RINL: variants seen among roughly 807,000 people sequenced by gnomAD.
RINL encodes the protein ras and Rab interactor-like protein.
In RINL, 39 loss-of-function variants were observed where a neutral mutation model predicts 58.1. The ratio of observed to expected loss-of-function variants is 0.67; its 90% confidence interval spans 0.52 to 0.88. The LOEUF is 0.88. Among genes scored for constraint, RINL ranks in the 40% least tolerant of loss-of-function variants. RINL has a pLI of 0.00. For synonymous variants in RINL, 286 were observed against 323.1 expected, an observed-to-expected ratio of 0.89 and a Z score of 1.23; for missense variants, 711 against 749.2, an observed-to-expected ratio of 0.95 and a Z score of 0.60.
Position 38,871,208 on chromosome 19 carries a change from C to T in RINL, c.471G>A (p.Arg157=). 1.2e-6 allele frequency: 2 copies of T among 1,613,966 alleles called. No individual in the cohort carries two copies. The highest frequency in any genetic ancestry group is 1.7e-6 in the Non-Finnish European group (2 of 1,179,988). Reference sequence around the variant, plus strand: ...CCTTCCCTGGGGTGTCCTGTTGGACCCTGCCGATCTGCACAGGATCTGGAG... The same window carrying T: ...CCTTCCCTGGGGTGTCCTGTTGGACTCTGCCGATCTGCACAGGATCTGGAG... The part of the protein sequence containing the change: ...DEHTDPVQIG[R]VQQDTPGKVL... The change falls in exon 7 of 12, where the codon AGG becomes AGA. Residue 157 remains arginine, a synonymous_variant. Coordinates refer to ENST00000591812, the MANE Select transcript of RINL (RefSeq NM_001195833.2).
chr19:38,874,153 C>T (rs186179753), intron 3 of RINL, among the ~76,000 whole-genome samples, 165 bp from the exon 4 acceptor site: 103 of 152,338 alleles, frequency 6.8e-4, no homozygotes, highest in African/African-American at 2.3e-3. Context: ...TGACTTCCCC[C>T]AAGCCCTGGC....
At position 38,876,431 on chromosome 19, in the gene RINL, A is replaced by G. The variant is rs1268091070; in HGVS notation, c.110T>C (p.Leu37Pro). ...DRTPLGVLST[L>P]EPLTRLQRTW... The stretch of plus-strand genomic sequence containing the variant: ...CCTCTGCAGGCGAGTAAGTGGCTCT[A>G]GGGTGCTGAGGACCCCTAGAGGGGT... Residue 37 changes from leucine to proline, a missense_variant, in exon 3 of 12, where the codon CTA (leucine) becomes CCA (proline). Coordinates refer to ENST00000591812, the MANE Select transcript of RINL (RefSeq NM_001195833.2). The G allele has an allele frequency of 1.3e-6, 2 of 1,535,982 alleles. No homozygotes were observed. The highest frequency in any genetic ancestry group is 2.4e-5 in the South Asian group (2 of 84,060).
intron 3 of RINL, among the ~76,000 whole-genome samples, chr19:38,874,538 T>G (rs1972879369): frequency 6.6e-6 from 1 of 152,212 alleles, no homozygotes; most frequent in African/African-American, 2.4e-5. Context: ...CCTCTCATAG[T>G]GCTGGGATAA....
Position 38,870,205 on chromosome 19 carries a change from G to C in RINL, c.1080C>G (p.Ala360=). 2 of 1,390,704 alleles carry C rather than the reference G, an allele frequency of 1.4e-6. No homozygotes were observed. Among genetic ancestry groups the C allele is most frequent in the Non-Finnish European group, 1.9e-6 (2 of 1,080,952 alleles). 86.1% of individuals were successfully genotyped at this position (1,390,704 alleles called of 1,614,324 possible). A position where few individuals can be genotyped will look rare whatever the true frequency, so the allele number is the denominator to read the frequency against. Residue 360 remains alanine (A), a synonymous_variant, in exon 9 of 12, where the codon GCC becomes GCG. Coordinates refer to ENST00000591812, the MANE Select transcript of RINL (RefSeq NM_001195833.2). The surrounding 1 kb of genome is among the most constrained non-coding windows in gnomAD (Gnocchi z 5.8). The part of the protein sequence containing the change: ...CQAVLAPLKP[A]LWTRLRTLRA... ...GGAGTGTGCGGAGTCGTGTCCACAG[G>C]GCCGGCTTCAGGGGCGCCAGCACCG...
chr19:38,872,446 A>G (rs1972834876), intron 4 of RINL, among the ~76,000 whole-genome samples: 1 of 152,288 alleles, frequency 6.6e-6, no homozygotes, highest in South Asian at 2.1e-4. Flanking sequence ...AGATTAAGCC[A>G]TTGCACTCCA....
At chr19:38,876,047 T>G (rs1381209728) in intron 3 of RINL, among the ~76,000 whole-genome samples, 2 of 148,790 alleles carry the variant, frequency 1.3e-5, no homozygotes, top group Non-Finnish European at 3.0e-5. Context: ...ATCCAGAGCT[T>G]CTTGAAATTA....
intron 2 of RINL, 99 bp from the exon 3 acceptor site, chr19:38,876,589 G>T: frequency 6.9e-7 from 1 of 1,447,582 alleles, no homozygotes. Flanking sequence ...CAGGGCAGAG[G>T]CTCAGAGATG....
At chr19:38,876,121 A>G (rs969748712) in intron 3 of RINL, among the ~76,000 whole-genome samples, 1 of 148,772 alleles carries the variant, frequency 6.7e-6, no homozygotes, top group African/African-American at 2.5e-5. Context: ...GTGAAGTGGC[A>G]TGATCTCAGC....
At position 38,869,824 on chromosome 19, in the gene RINL, G is replaced by T. The variant is rs1459844858; in HGVS notation, c.1342+119C>A. On this transcript the variant is annotated intron_variant, in intron 9 of 11. Transcript: ENST00000591812. The surrounding 1 kb of genome is among the most constrained non-coding windows in gnomAD (Gnocchi z 5.7). ...CCCCTCCACCTTGTCGGGCATGACA[G>T]CGCCTCCTACCAGAATCTTCAGGAC... is the stretch of plus-strand genomic sequence containing the variant. 2 of 1,538,370 alleles carry T rather than the reference G, an allele frequency of 1.3e-6. No individual in the cohort carries two copies. Among genetic ancestry groups the T allele is most frequent in the Non-Finnish European group, 1.8e-6 (2 of 1,137,358 alleles).
At position 38,870,669 on chromosome 19, in the gene RINL, G is replaced by A. The variant is rs770300441; in HGVS notation, c.925C>T (p.Leu309Phe). 2.5e-6 allele frequency: 4 copies of A among 1,613,684 alleles called. No homozygotes were observed. In the East Asian group the frequency reaches 8.9e-5, roughly 36 times the overall value. Residue 309 changes from leucine to phenylalanine, a missense_variant, in exon 8 of 12, where the codon CTC becomes TTC. Transcript: ENST00000591812. The surrounding 1 kb of genome is among the most constrained non-coding windows in gnomAD (Gnocchi z 5.8). ...AGGTGATCCTGGAGGTCAGTAAGGAGGTGCCGCACATCCTGAAGCAGCTCC... is the reference window on the plus strand; with the variant it reads ...AGGTGATCCTGGAGGTCAGTAAGGAAGTGCCGCACATCCTGAAGCAGCTCC... ...ATELLQDVRH[L>F]LTDLQDHLAK...
At chr19:38,876,829 A>T in intron 1 of RINL, 48 bp from the exon 2 acceptor site, 1 of 1,060,092 alleles carries the variant, frequency 9.4e-7, no homozygotes. Context: ...CCCTCGGGTC[A>T]TGTTCAAGAT....
In RINL at chr19:38,868,960, A is replaced by G; in HGVS notation, c.*144T>C. 1.4e-6 allele frequency: 1 copy of G among 715,098 alleles called. No individual in the cohort carries two copies. Among genetic ancestry groups the G allele is most frequent in the South Asian group, 2.1e-5 (1 of 47,970 alleles). The allele number at this position is 715,098 out of a possible 1,614,324, so 44.3% of individuals were successfully genotyped here. ...AGGAGTACGCCACCACGCCCGGCTA[A>G]TTTTTGTTTTTTTTTTTTTTTGGTA... is the stretch of plus-strand genomic sequence containing the variant. On this transcript the variant is annotated 3_prime_UTR_variant, in exon 12 of 12. Transcript: ENST00000591812.
chr19:38,869,952 C>A lies in RINL; in HGVS notation c.1333G>T (p.Glu445Ter), dbSNP rs766802528. The A allele has an allele frequency of 1.3e-6, 2 of 1,597,086 alleles. No homozygotes were observed. Among genetic ancestry groups the A allele is most frequent in the East Asian group, 2.3e-5 (1 of 43,806 alleles). Reference sequence around the variant, plus strand: ...TTGACCCCTCCCTTACCTTGGTTCTCGCCTCGAGCCAGGCCCGCATAGACA... The same window carrying A: ...TTGACCCCTCCCTTACCTTGGTTCTAGCCTCGAGCCAGGCCCGCATAGACA... The part of the protein sequence containing the change: ...RDVYAGLARG[E>*]NQDPLGADAF... Residue 445 changes from glutamate (E) to a stop codon, truncating the protein, a stop_gained, in exon 9 of 12, where the codon GAG becomes TAG. Transcript: ENST00000591812. LOFTEE classifies it high-confidence loss of function. This position sits in a 1 kb window ranked among gnomAD's most constrained non-coding sequence, Gnocchi z 5.7.
At chr19:38,871,356 C>T (rs1385621562) in intron 6 of RINL, 129 bp from the exon 7 acceptor site, 8 of 1,027,792 alleles carry the variant, frequency 7.8e-6, no homozygotes, top group Middle Eastern at 3.0e-4. Flanking sequence ...CTGGCCCCTC[C>T]TCAGTCAGAC....
In RINL at chr19:38,870,115, C is replaced by T. The variant is rs1340496514; in HGVS notation, c.1170G>A (p.Pro390=). 9.1e-6 allele frequency: 13 copies of T among 1,429,866 alleles called. No homozygotes were observed. Among genetic ancestry groups the T allele is most frequent in the South Asian group, 1.5e-5 (1 of 68,302 alleles). 88.6% of individuals were successfully genotyped at this position (1,429,866 alleles called of 1,614,324 possible). ...QTALRAGAGP[P]GAQGPGPEGQ... ...CTTCCGGTCCCGGCCCCTGTGCCCC[C>T]GGAGGCCCCGCCCCCGCCCGCAGGG... is the stretch of plus-strand genomic sequence containing the variant. The change falls in exon 9 of 12, where the codon CCG becomes CCA. Residue 390 remains proline, a synonymous_variant. Transcript: ENST00000591812. The surrounding 1 kb of genome is among the most constrained non-coding windows in gnomAD (Gnocchi z 5.8).
chr19:38,873,850 T>C, intron 4 of RINL, 36 bp downstream of exon 4: 2 of 1,291,158 alleles, frequency 1.5e-6, no homozygotes, highest in Non-Finnish European at 2.2e-6. Context: ...AGTGATCAAT[T>C]GACTGTGGGC....
In RINL at chr19:38,872,307, G is replaced by A. The variant is rs527617054; in HGVS notation, c.314-437C>T. Among the ~76,000 whole-genome samples, 9 of 146,814 alleles carry A rather than the reference G, an allele frequency of 6.1e-5. No homozygotes were observed. In the East Asian group the frequency reaches 6.3e-4, roughly 10 times the overall value. On this transcript the variant is annotated intron_variant, in intron 4 of 11. Coordinates refer to ENST00000591812, the MANE Select transcript of RINL (RefSeq NM_001195833.2). ...TCGAGACCAGCCTGGCCAACATGGC[G>A]AAACCCCATCTCTATTAAAAATACA...
intron 2 of RINL, 88 bp from the exon 3 acceptor site, chr19:38,876,578 C>T (rs1972931007): frequency 2.1e-6 from 3 of 1,462,780 alleles, no homozygotes; most frequent in South Asian, 2.4e-5. Flanking sequence ...AGGGGCAGGC[C>T]CAGGGCAGAG....
chr19:38,871,280 G>A, intron 6 of RINL, 53 bp from the exon 7 acceptor site: 1 of 1,603,666 alleles, frequency 6.2e-7, no homozygotes, highest in African/African-American at 1.3e-5. Context: ...GACCAACCCT[G>A]GTCCCCTCAA....
Sources: allele counts gnomAD v4.1 joint callset (sites outside exome capture counted in the v4.1 genomes callset), GRCh38; gene constraint gnomAD v4.1.1; non-coding constraint Gnocchi (gnomAD v3.1); transcripts MANE v1.5; gene names NCBI Gene and HGNC (gene_info 2026-07-23, HGNC 2026-07-21).